The following FAM135B variants were observed in gnomAD, a reference collection of about 807,000 sequenced individuals.
FAM135B encodes the protein protein FAM135B.
Under a neutral mutation model 127.7 loss-of-function variants are expected in FAM135B, and 43 were observed. That is an observed-to-expected ratio of 0.34 (90% confidence interval 0.26 to 0.43). The LOEUF (loss-of-function observed/expected upper bound fraction) is 0.43, where lower values mean the gene tolerates loss of function less well. FAM135B is among the 20% of genes least tolerant of loss of function. The pLI is 1.00. For synonymous variants in FAM135B, 670 were observed against 665.1 expected, an observed-to-expected ratio of 1.01 and a Z score of -0.11; for missense variants, 1,558 against 1,725.6, an observed-to-expected ratio of 0.90 and a Z score of 1.72.
intron 12 of FAM135B, among the ~76,000 whole-genome samples, chr8:138,167,299 G>A (rs7011598): frequency 0.014 from 2,116 of 152,206 alleles, 37 homozygotes; most frequent in Middle Eastern, 0.051. Context: ...GGGATCAAGC[G>A]ATCCTCCTGC....
intron 7 of FAM135B, among the ~76,000 whole-genome samples, chr8:138,234,474 A>T (rs1820124483): frequency 6.6e-6 from 1 of 152,252 alleles, no homozygotes; most frequent in African/African-American, 2.4e-5. Context: ...TTACATGTCT[A>T]TCAGTGAATG....
In FAM135B at chr8:138,177,611, T is replaced by C. The variant is rs1220594111; in HGVS notation, c.1030-191A>G. On this transcript the variant is annotated intron_variant, in intron 10 of 19. Transcript: ENST00000395297. ...ACTGATCTCTCTCCTTCAGAGCTCT[T>C]AGCCCACACTTGGTTTATGAACACA... 5.9e-5 allele frequency among the ~76,000 whole-genome samples: 9 copies of C among 152,334 alleles called. No homozygotes were observed. In the East Asian group the frequency reaches 1.5e-3, roughly 26 times the overall value.
At position 138,243,194 on chromosome 8, in the gene FAM135B, C is replaced by G; in HGVS notation, c.543-126G>C. 1 of 1,105,344 alleles carries G rather than the reference C, an allele frequency of 9.0e-7. No individual in the cohort carries two copies. The highest frequency in any genetic ancestry group is 2.6e-5 in the East Asian group (1 of 37,880). 68.5% of individuals were successfully genotyped at this position (1,105,344 alleles called of 1,614,324 possible). On this transcript the variant is annotated intron_variant, in intron 6 of 19. Transcript: ENST00000395297. The surrounding 1 kb of genome is among the most constrained non-coding windows in gnomAD (Gnocchi z 7.5). ...TAAGTCATTTAGGAGTAGTTCACCC[C>G]CTAGGGAGTGTTTGCATGTGACATT...
intron 7 of FAM135B, among the ~76,000 whole-genome samples, chr8:138,220,948 T>C (rs1818980033): frequency 1.3e-5 from 2 of 152,108 alleles, no homozygotes. Flanking sequence ...GCTGAGCAAG[T>C]TTTTCAGGCT....
intron 1 of FAM135B, among the ~76,000 whole-genome samples, chr8:138,376,692 C>G (rs372347133): frequency 6.6e-6 from 1 of 152,098 alleles, no homozygotes; most frequent in Non-Finnish European, 1.5e-5. Context: ...CAAAGTACCA[C>G]GGAGAACATC....
rs71512386 is a variant in FAM135B, at chr8:138,226,182, T to C, written c.669+16760A>G. Among the ~76,000 whole-genome samples, 229 of 118,480 alleles carry C rather than the reference T, an allele frequency of 1.9e-3. 2 individuals carry two copies. The highest frequency in any genetic ancestry group is 2.3e-3 in the African/African-American group (75 of 32,192). The allele number at this position is 118,480 out of a possible 152,430, so 77.7% of individuals were successfully genotyped here. ...GTGTGTGTGTGTGTGTGTGTGTGTG[T>C]GTGCGCGCATGTCATTTTTTTTTTC... On this transcript the variant is annotated intron_variant, in intron 7 of 19. Coordinates refer to ENST00000395297, the MANE Select transcript of FAM135B (RefSeq NM_015912.4).
chr8:138,443,368 A>G (rs1835921506), intron 1 of FAM135B, among the ~76,000 whole-genome samples: 1 of 152,130 alleles, frequency 6.6e-6, no homozygotes, highest in South Asian at 2.1e-4. Flanking sequence ...AAAAGGAGCC[A>G]GAAAATATGA....
chr8:138,382,499 C>A (rs1322694004), intron 1 of FAM135B, among the ~76,000 whole-genome samples: 3 of 152,082 alleles, frequency 2.0e-5, no homozygotes, highest in Non-Finnish European at 4.4e-5. Context: ...GGAGAGGCAG[C>A]TCAGTGCACA....
intron 1 of FAM135B, among the ~76,000 whole-genome samples, chr8:138,391,981 C>A (rs1365304668): frequency 6.6e-6 from 1 of 152,188 alleles, no homozygotes; most frequent in African/African-American, 2.4e-5. Flanking sequence ...GTCTCTCTCA[C>A]CTCTTTGACC....
intron 3 of FAM135B, among the ~76,000 whole-genome samples, chr8:138,270,595 G>A (rs755806200): frequency 2.6e-5 from 4 of 152,234 alleles, no homozygotes; most frequent in Non-Finnish European, 4.4e-5. Context: ...TCACAGTTCT[G>A]GAGGCTGGGA....
At position 138,308,479 on chromosome 8, in the gene FAM135B, C is replaced by T. The variant is rs79307340; in HGVS notation, c.157+2362G>A. Among the ~76,000 whole-genome samples the T allele has an allele frequency of 8.1e-3, 1,232 of 152,284 alleles. 15 individuals carry two copies. Among genetic ancestry groups the T allele is most frequent in the African/African-American group, 0.028 (1,158 of 41,546 alleles). ...CCTTGAAGAAGAAATACAAATTCTGCACATCCCTCACCTGGGGCACAATCT... is the reference window on the plus strand; with the variant it reads ...CCTTGAAGAAGAAATACAAATTCTGTACATCCCTCACCTGGGGCACAATCT... On this transcript the variant is annotated intron_variant, in intron 3 of 19. Coordinates refer to ENST00000395297, the MANE Select transcript of FAM135B (RefSeq NM_015912.4).
At chr8:138,342,203 T>A (rs748071882) in intron 2 of FAM135B, among the ~76,000 whole-genome samples, 10 of 152,196 alleles carry the variant, frequency 6.6e-5, no homozygotes, top group Non-Finnish European at 1.2e-4. Context: ...AAACCAACCC[T>A]TCAGCTAGAG....
chr8:138,217,671 T>C (rs1818674540), intron 7 of FAM135B, among the ~76,000 whole-genome samples: 1 of 152,150 alleles, frequency 6.6e-6, no homozygotes, highest in Non-Finnish European at 1.5e-5. Context: ...GACCTTGTGA[T>C]CCGCTCGCCT....
intron 2 of FAM135B, chr8:138,367,263 A>G (rs368372604): frequency 2.6e-6 from 1 of 382,976 alleles, no homozygotes; most frequent in South Asian, 1.9e-5. Flanking sequence ...AGTAGCAATC[A>G]TCATGAAGAC....
intron 12 of FAM135B, among the ~76,000 whole-genome samples, chr8:138,155,509 TAA>T: frequency 6.6e-6 from 1 of 152,140 alleles, no homozygotes; most frequent in South Asian, 2.1e-4. Context: ...GCAAATTGGA[TAA>T]AGAGTCAAGA....
intron 1 of FAM135B, among the ~76,000 whole-genome samples, chr8:138,423,267 A>G (rs1297006516): frequency 6.6e-6 from 1 of 152,180 alleles, no homozygotes; most frequent in African/African-American, 2.4e-5. Flanking sequence ...TTGAACCTAA[A>G]ATAAAAGTTA....
chr8:138,468,172 C>T (rs1837475104), intron 1 of FAM135B, among the ~76,000 whole-genome samples: 1 of 152,190 alleles, frequency 6.6e-6, no homozygotes, highest in African/African-American at 2.4e-5. Flanking sequence ...TGTGAAACAA[C>T]ATCTCTATGG....
Position 138,329,669 on chromosome 8 carries a change from C to T in FAM135B, c.78-18749G>A, listed in dbSNP as rs141597216. Among the ~76,000 whole-genome samples the T allele has an allele frequency of 4.9e-4, 75 of 152,236 alleles. 1 individual carries two copies. The highest frequency in any genetic ancestry group is 1.5e-3 in the African/African-American group (63 of 41,558). On this transcript the variant is annotated intron_variant, in intron 2 of 19. Transcript: ENST00000395297. ...AGGAGCAGGTAGAGTGAGGATTCTG[C>T]GGTTAGACAGACATGGGGAAGCTGT...
At chr8:138,458,417 G>C (rs1408668462) in intron 1 of FAM135B, among the ~76,000 whole-genome samples, 5 of 152,184 alleles carry the variant, frequency 3.3e-5, no homozygotes, top group Non-Finnish European at 7.3e-5. Flanking sequence ...TGGGAAACTT[G>C]GATACTCCAG....
Sources: allele counts gnomAD v4.1 joint callset (sites outside exome capture counted in the v4.1 genomes callset), GRCh38; gene constraint gnomAD v4.1.1; non-coding constraint Gnocchi (gnomAD v3.1); transcripts MANE v1.5; gene names NCBI Gene and HGNC (gene_info 2026-07-23, HGNC 2026-07-21).